The following SYNPR variants were observed in gnomAD, a reference collection of about 807,000 sequenced individuals.
The protein encoded by SYNPR is synaptoporin.
SYNPR carries 23 observed loss-of-function variants against 32.9 expected under a neutral mutation model. The ratio of observed to expected loss-of-function variants is 0.70; its 90% CI spans 0.50 to 0.99. The LOEUF is 0.99. SYNPR is among the 50% of genes least tolerant of loss of function. SYNPR has a pLI of 0.00. For missense variants in SYNPR, 318 were observed against 349.3 expected (o/e 0.91, Z 0.71); for synonymous variants, 146 against 135.9 (o/e 1.07, Z -0.52).
At chr3:63,540,213 A>G (rs571138969) in intron 3 of SYNPR, among the ~76,000 whole-genome samples, 8 of 152,256 alleles carry the variant, frequency 5.3e-5, no homozygotes, top group African/African-American at 1.9e-4. Flanking sequence ...TCACCTTATG[A>G]AGTAGGTCAT....
intron 1 of SYNPR, among the ~76,000 whole-genome samples, chr3:63,229,016 C>G (rs992419465): frequency 3.3e-5 from 5 of 152,138 alleles, no homozygotes; most frequent in African/African-American, 1.2e-4. Context: ...ACTTACAATT[C>G]TTTCTCCTAT....
rs188986302 is a variant in SYNPR at position 63,467,970 on chromosome 3, C to T, written c.85-12862C>T. 4.0e-4 allele frequency among the ~76,000 whole-genome samples: 61 copies of T among 152,024 alleles called. 1 individual carries two copies. In the East Asian group the frequency reaches 9.1e-3, roughly 23 times the overall value. ...ATCCCAGCAGTTTGGGAGGTTGAGG[C>T]GGGCACATCACCTGAGGTTGGGAGT... On this transcript the variant is annotated intron_variant, in intron 2 of 5. Transcript: ENST00000478300.
At chr3:63,292,729 G>A (rs140989719) in intron 2 of SYNPR, among the ~76,000 whole-genome samples, 54 of 152,318 alleles carry the variant, frequency 3.5e-4, no homozygotes, top group Middle Eastern at 6.8e-3. Flanking sequence ...TGCAAAGAAA[G>A]CATTGGAAAA....
At chr3:63,458,933 C>T (rs1299779940) in intron 2 of SYNPR, among the ~76,000 whole-genome samples, 1 of 152,036 alleles carries the variant, frequency 6.6e-6, no homozygotes, top group Non-Finnish European at 1.5e-5. Flanking sequence ...ACTCTCCTCT[C>T]CCCACTTTCT....
chr3:63,295,335 C>G lies in SYNPR; in HGVS notation c.84+16593C>G, dbSNP rs868495266. On this transcript the variant is annotated intron_variant, in intron 2 of 5. Transcript: ENST00000478300. Reference sequence around the variant, plus strand: ...AAGTGTATGCATCATTATTTTCCCTCTTTTCAGGCAAGAAATCTGAGGCTT... The same window carrying G: ...AAGTGTATGCATCATTATTTTCCCTGTTTTCAGGCAAGAAATCTGAGGCTT... 3.9e-5 allele frequency among the ~76,000 whole-genome samples: 6 copies of G among 152,268 alleles called. No individual in the cohort carries two copies. In the Middle Eastern group the frequency reaches 0.014, roughly 345 times the overall value.
chr3:63,245,700 A>G (rs2086280584), intron 1 of SYNPR, among the ~76,000 whole-genome samples: 1 of 76,398 alleles, frequency 1.3e-5, no homozygotes, highest in Admixed American at 1.4e-4. Context: ...AGAGAGAGAG[A>G]GAGAGAGAGA....
intron 2 of SYNPR, among the ~76,000 whole-genome samples, chr3:63,352,063 G>C (rs1010515261): frequency 6.6e-6 from 1 of 152,088 alleles, no homozygotes; most frequent in Non-Finnish European, 1.5e-5. Flanking sequence ...AGACCTTGGA[G>C]GGAGTGCCAG....
At chr3:63,228,801 A>G (rs1457148410) in intron 1 of SYNPR, among the ~76,000 whole-genome samples, 1 of 152,106 alleles carries the variant, frequency 6.6e-6, no homozygotes, top group Non-Finnish European at 1.5e-5. Context: ...CCAAGAGGCT[A>G]CTTCAGAAAG....
rs113770817 is a variant in SYNPR, at chr3:63,520,392, C to T, written c.210-36151C>T. 7.2e-3 allele frequency among the ~76,000 whole-genome samples: 1,102 copies of T among 152,130 alleles called. 17 individuals carry two copies. The highest frequency in any genetic ancestry group is 0.025 in the African/African-American group (1,047 of 41,508). ...CAGCACACACCATTATCAGGGTAAT[C>T]GGCCGGGTGCGGTGGCTCACGCCTG... On this transcript the variant is annotated intron_variant, in intron 3 of 5. Coordinates refer to ENST00000478300, the MANE Select transcript of SYNPR (RefSeq NM_001130003.2).
chr3:63,387,664 A>G (rs2088070261), intron 2 of SYNPR, among the ~76,000 whole-genome samples: 1 of 152,260 alleles, frequency 6.6e-6, no homozygotes, highest in African/African-American at 2.4e-5. Flanking sequence ...ACAGAGGTCA[A>G]GTTGAACCAC....
chr3:63,501,494 C>CAAAAAAAAAAAAAAAAAAAAAAA (rs377290258), intron 3 of SYNPR, among the ~76,000 whole-genome samples: 22 of 96,632 alleles, frequency 2.3e-4, no homozygotes, highest in East Asian at 5.3e-4. Context: ...CTCCCCCAAC[C>CAAAAAAAAAAAAAAAAAAAAAAA]AAAAAAAAAA....
intron 2 of SYNPR, among the ~76,000 whole-genome samples, chr3:63,441,031 C>A (rs1366736500): frequency 2.6e-5 from 4 of 152,304 alleles, no homozygotes; most frequent in Non-Finnish European, 5.9e-5. Flanking sequence ...AGTGCCATCA[C>A]GTTGCATCCA....
At chr3:63,404,382 A>C (rs1050203580) in intron 2 of SYNPR, among the ~76,000 whole-genome samples, 7 of 152,226 alleles carry the variant, frequency 4.6e-5, no homozygotes, top group African/African-American at 1.4e-4. Flanking sequence ...CAATGATAAT[A>C]GTCTCACATG....
chr3:63,484,223 A>G (rs892338861), intron 3 of SYNPR, among the ~76,000 whole-genome samples: 4 of 152,124 alleles, frequency 2.6e-5, no homozygotes, highest in African/African-American at 9.7e-5. Context: ...ATAGAAATAA[A>G]CCATTTGTCA....
chr3:63,600,615 G>A (rs1359423011), intron 4 of SYNPR, among the ~76,000 whole-genome samples: 2 of 152,160 alleles, frequency 1.3e-5, no homozygotes, highest in South Asian at 2.1e-4. Context: ...GGATCATGGG[G>A]GCAGTTTCTC....
At chr3:63,612,182 C>T (rs1239290444) in intron 5 of SYNPR, among the ~76,000 whole-genome samples, 1 of 152,060 alleles carries the variant, frequency 6.6e-6, no homozygotes, top group Admixed American at 6.6e-5. Flanking sequence ...GATAATTGTA[C>T]AACAGACCTC....
At chr3:63,226,426 C>A (rs1451300584), upstream of SYNPR, among the ~76,000 whole-genome samples, 3 of 151,964 alleles carry the variant, frequency 2.0e-5, no homozygotes, top group Non-Finnish European at 4.4e-5. Flanking sequence ...GCACTATTCA[C>A]AATAGCAAAG....
intron 2 of SYNPR, among the ~76,000 whole-genome samples, chr3:63,395,130 A>G (rs1575622697): frequency 6.6e-6 from 1 of 150,948 alleles, no homozygotes; most frequent in East Asian, 2.0e-4. Flanking sequence ...GGAAAAAAAA[A>G]CTTACCAGTT....
At chr3:63,265,241 CTTTTTTTTTTTTTTT>C (rs71126590) in intron 2 of SYNPR, among the ~76,000 whole-genome samples, 3 of 102,214 alleles carry the variant, frequency 2.9e-5, no homozygotes, top group Non-Finnish European at 5.7e-5. Flanking sequence ...TAATGACATT[CTTTTTTTTTTTTTTT>C]TTTTTTTTTT....
Sources: gnomAD v4.1 joint callset for allele counts (sites outside exome capture counted in the v4.1 genomes callset) on GRCh38, gnomAD v4.1.1 for gene constraint, MANE v1.5 for transcripts, NCBI Gene and HGNC (gene_info 2026-07-23, HGNC 2026-07-21) for gene names.